ZNF730: variants seen among roughly 807,000 people sequenced by gnomAD.
ZNF730 encodes putative zinc finger protein 730.
In ZNF730, 12 loss-of-function variants were observed where a neutral mutation model predicts 12.6. The ratio of observed to expected loss-of-function variants is 0.95; its 90% CI spans 0.61 to 1.54. The LOEUF (loss-of-function observed/expected upper bound fraction) is 1.54, where lower values mean the gene tolerates loss of function less well. Among genes scored for constraint, ZNF730 ranks in the 40% most tolerant of loss-of-function variants. The probability of loss-of-function intolerance (pLI) is 0.00; values close to 1 mark genes in which losing one functional copy is unlikely to be tolerated. For synonymous variants in ZNF730, 194 were observed against 195.8 expected, an observed-to-expected ratio of 0.99 and a Z score of 0.08; for missense variants, 643 against 583.5, an observed-to-expected ratio of 1.10 and a Z score of -1.05.
chr19:23,139,181 T>C (rs1010976021), intron 3 of ZNF730, among the ~76,000 whole-genome samples: 4 of 152,214 alleles, frequency 2.6e-5, no homozygotes, highest in African/African-American at 9.7e-5. Context: ...TGATTTATTC[T>C]CAAATATTTG....
chr19:23,113,296 A>G (rs1236802775), upstream of ZNF730, among the ~76,000 whole-genome samples: 1 of 152,184 alleles, frequency 6.6e-6, no homozygotes, highest in Non-Finnish European at 1.5e-5. Context: ...AACTCTTCGT[A>G]TTATCCTCCT....
At chr19:23,085,914 C>T (rs1250386928) in intron 1 of ZNF730, among the ~76,000 whole-genome samples, 4 of 133,104 alleles carry the variant, frequency 3.0e-5, no homozygotes, top group Admixed American at 8.8e-5. Context: ...GGCACGATCT[C>T]GGCTCACTGC....
intron 1 of ZNF730, 23 bp from the exon 2 acceptor site, chr19:23,134,057 G>C (rs769148830): frequency 6.2e-7 from 1 of 1,611,686 alleles, no homozygotes; most frequent in Non-Finnish European, 8.5e-7. Context: ...TGGTAAATAT[G>C]TGTGTTTGTT....
intron 1 of ZNF730, among the ~76,000 whole-genome samples, chr19:23,129,089 A>G (rs1351487889): frequency 6.6e-6 from 1 of 152,188 alleles, no homozygotes; most frequent in Non-Finnish European, 1.5e-5. Flanking sequence ...TCAGAGCTAT[A>G]TGGGAACCCC....
intron 1 of ZNF730, chr19:23,094,920 C>T (rs768489441): frequency 6.5e-6 from 1 of 153,752 alleles, no homozygotes; most frequent in Non-Finnish European, 1.4e-5. Context: ...CTCCATCTAT[C>T]CTCCCGATTT....
intron 1 of ZNF730, among the ~76,000 whole-genome samples, chr19:23,129,576 C>T (rs1383511371): frequency 1.3e-5 from 2 of 149,564 alleles, no homozygotes; most frequent in Non-Finnish European, 3.0e-5. Context: ...CTTGTATCCC[C>T]CCCCCCATTA....
At chr19:23,128,451 G>A (rs1437647976) in intron 1 of ZNF730, 4 of 353,472 alleles carry the variant, frequency 1.1e-5, no homozygotes, top group African/African-American at 8.4e-5. Context: ...AAAAGAAGTG[G>A]AACCATCCCA....
chr19:23,137,655 T>G (rs932450019), intron 3 of ZNF730, among the ~76,000 whole-genome samples: 1 of 152,248 alleles, frequency 6.6e-6, no homozygotes, highest in Non-Finnish European at 1.5e-5. Flanking sequence ...TTTTGCTTTG[T>G]TCTCTGTGAA....
At chr19:23,142,267 G>T (rs908125658) in intron 3 of ZNF730, among the ~76,000 whole-genome samples, 6 of 152,114 alleles carry the variant, frequency 3.9e-5, no homozygotes, top group Non-Finnish European at 7.3e-5. Context: ...ATTAATATTT[G>T]CATGAAGCAT....
At chr19:23,117,024 G>A, upstream of ZNF730, 3 of 1,185,830 alleles carry the variant, frequency 2.5e-6, no homozygotes, top group East Asian at 3.8e-5. Context: ...GATTTGGCGC[G>A]GCCTTTGTTT....
chr19:23,141,457 C>T (rs1219954035), intron 3 of ZNF730, among the ~76,000 whole-genome samples: 1 of 151,860 alleles, frequency 6.6e-6, no homozygotes, highest in Non-Finnish European at 1.5e-5. Flanking sequence ...ATCCCAGCTA[C>T]TTGGGAGATT....
intron 1 of ZNF730, among the ~76,000 whole-genome samples, chr19:23,104,621 T>TGTATATGCCATAAGTTATGGCAATATAA (rs1970371142): frequency 6.6e-6 from 1 of 152,186 alleles, no homozygotes; most frequent in African/African-American, 2.4e-5. Context: ...GCAATATAGT[T>TGTATATGCCATAAGTTATGGCAATATAA]GTTTGTATGA....
intron 1 of ZNF730, among the ~76,000 whole-genome samples, chr19:23,094,376 ATCTATCTATCTATCTG>A (rs1177549828): frequency 0.013 from 1,797 of 143,362 alleles, 35 homozygotes; most frequent in African/African-American, 0.043. Flanking sequence ...CTATCTATCT[ATCTATCTATCTATCTG>A]TCTATCTGTC....
At chr19:23,124,364 C>G (rs1233889502) in intron 1 of ZNF730, among the ~76,000 whole-genome samples, 1 of 152,242 alleles carries the variant, frequency 6.6e-6, no homozygotes, top group Non-Finnish European at 1.5e-5. Flanking sequence ...ATAACCACAA[C>G]TATACCTACC....
At position 23,085,148 on chromosome 19, in the gene ZNF730, A is replaced by C. The variant is rs557034819; in HGVS notation, c.-94+9761A>C. On this transcript the variant is annotated intron_variant, in intron 1 of 2. Coordinates refer to the ZNF730 transcript ENST00000593635. ...TGTTATTATTTTGCTTTTTTAAAAT[A>C]GCCATTCTGACTAAGGTGAGATGGT... Among the ~76,000 whole-genome samples, 126 of 152,242 alleles carry C rather than the reference A, an allele frequency of 8.3e-4. 1 individual carries two copies. Among genetic ancestry groups the C allele is most frequent in the Admixed American group, 2.6e-3 (39 of 15,274 alleles).
chr19:23,141,065 C>T (rs1404704655), intron 3 of ZNF730, among the ~76,000 whole-genome samples: 3 of 151,782 alleles, frequency 2.0e-5, no homozygotes, highest in African/African-American at 7.3e-5. Context: ...AAATTTGAGA[C>T]CAGCCCAAGC....
intron 3 of ZNF730, 174 bp downstream of exon 3, chr19:23,136,217 CTTTTG>C (rs970543292): frequency 7.8e-6 from 3 of 387,090 alleles, no homozygotes; most frequent in Admixed American, 4.7e-5. Context: ...ATAGAAGCAT[CTTTTG>C]TTTTATCTTT....
At position 23,145,847 on chromosome 19, in the gene ZNF730, C is replaced by T. The variant is rs1568319184; in HGVS notation, c.803C>T (p.Ser268Phe). ...AAATGTGGCAAATTTTTTAACCAAT[C>T]CACAAACCTTACTACACATAAAAGA... ...CEKCGKFFNQ[S>F]TNLTTHKRIH... Residue 268 changes from serine to phenylalanine, a missense_variant, in exon 4 of 4, where the codon TCC becomes TTC. By Grantham distance (155) the Ser-to-Phe change is radical (BLOSUM62 -2). Transcript: ENST00000597761. 1 of 1,605,622 alleles carries T rather than the reference C, an allele frequency of 6.2e-7. No homozygotes were observed. The highest frequency in any genetic ancestry group is 2.2e-5 in the East Asian group (1 of 44,754).
At chr19:23,143,687 C>T (rs1970961936) in intron 3 of ZNF730, 1 of 152,148 alleles carries the variant, frequency 6.6e-6, no homozygotes, top group African/African-American at 2.4e-5. Flanking sequence ...TTTTTCAGGA[C>T]AGATTTGCTG....
Sources: gnomAD v4.1 joint callset for allele counts (sites outside exome capture counted in the v4.1 genomes callset) on GRCh38, gnomAD v4.1.1 for gene constraint, MANE v1.5 for transcripts, NCBI Gene and HGNC (gene_info 2026-07-23, HGNC 2026-07-21) for gene names.